SECISBP2: variants seen among roughly 807,000 people sequenced by gnomAD.
The protein encoded by SECISBP2 is SECIS binding protein 2.
In SECISBP2, 96 loss-of-function variants were observed where a neutral mutation model predicts 98.2. The observed-to-expected ratio is 0.98, with a 90% CI of 0.83 to 1.16. The LOEUF is 1.16. Ranked by LOEUF, SECISBP2 falls within the 50% of genes most tolerant of loss-of-function variation. SECISBP2 has a pLI of 0.00. For missense variants in SECISBP2, 1,046 were observed against 1,022.9 expected (o/e 1.02, Z -0.31); for synonymous variants, 407 against 370.2 (o/e 1.10, Z -1.14).
chr9:89,318,546 C>A lies in SECISBP2; in HGVS notation c.-31C>A. ...CAAGCCGACGGCCCGCTGCTGGCCT[C>A]CGTGACGCGGCCTCCTCCGCGCCTC... On this transcript the variant is annotated 5_prime_UTR_variant, in exon 1 of 17. Coordinates refer to ENST00000375807, the MANE Select transcript of SECISBP2 (RefSeq NM_024077.5). The A allele has an allele frequency of 1.3e-6, 2 of 1,511,396 alleles. No homozygotes were observed. Among genetic ancestry groups the A allele is most frequent in the Admixed American group, 2.0e-5 (1 of 49,030 alleles). 93.6% of individuals were successfully genotyped at this position (1,511,396 alleles called of 1,614,324 possible).
intron 6 of SECISBP2, among the ~76,000 whole-genome samples, chr9:89,333,541 C>A (rs764320135): frequency 1.2e-4 from 19 of 152,176 alleles, no homozygotes; most frequent in Non-Finnish European, 2.4e-4. Flanking sequence ...ATTCACCTGC[C>A]TCACGGTCCT....
At chr9:89,320,730 C>T (rs749027126) in intron 2 of SECISBP2, among the ~76,000 whole-genome samples, 3 of 152,178 alleles carry the variant, frequency 2.0e-5, no homozygotes, top group Non-Finnish European at 4.4e-5. Flanking sequence ...AGGATTCATT[C>T]TCTAGGTTTA....
At chr9:89,347,324 T>A (rs576792255) in intron 11 of SECISBP2, among the ~76,000 whole-genome samples, 1 of 152,242 alleles carries the variant, frequency 6.6e-6, no homozygotes, top group Non-Finnish European at 1.5e-5. Context: ...AAACCAGAAA[T>A]GGGAGGAGTT....
intron 1 of SECISBP2, chr9:89,318,968 T>A: frequency 9.0e-7 from 1 of 1,106,298 alleles, no homozygotes; most frequent in Non-Finnish European, 1.1e-6. Context: ...CCTGCGTTTT[T>A]CTGAACGTCA....
rs747651228 is a variant in SECISBP2, at chr9:89,348,261, C to G, written c.1738+47C>G. On this transcript the variant is annotated intron_variant, in intron 12 of 16. Coordinates refer to ENST00000375807, the MANE Select transcript of SECISBP2 (RefSeq NM_024077.5). ...TTAAGAATAATTTAAACGAGAGCAA[C>G]TATGAAAAGGATGAGCTATGCTGAG... The G allele has an allele frequency of 1.4e-5, 22 of 1,608,916 alleles. No homozygotes were observed. In the East Asian group the frequency reaches 4.5e-4, roughly 33 times the overall value.
At chr9:89,333,235 T>C (rs1828047828) in intron 6 of SECISBP2, among the ~76,000 whole-genome samples, 1 of 152,018 alleles carries the variant, frequency 6.6e-6, no homozygotes, top group Non-Finnish European at 1.5e-5. Context: ...AGAAATTTTA[T>C]GAACTCAGCA....
Position 89,325,417 on chromosome 9 carries a change from T to C in SECISBP2, c.183-10T>C. Reference sequence around the variant, plus strand: ...GAAATCTGCAACTAAAGTTTACACTTTTTACTTAGGCAGAAAATATATACT... The same window carrying C: ...GAAATCTGCAACTAAAGTTTACACTCTTTACTTAGGCAGAAAATATATACT... On this transcript the variant is annotated splice_polypyrimidine_tract_variant and intron_variant, in intron 2 of 16. Transcript: ENST00000375807. 6.2e-7 allele frequency: 1 copy of C among 1,613,634 alleles called. No individual in the cohort carries two copies. Among genetic ancestry groups the C allele is most frequent in the Non-Finnish European group, 8.5e-7 (1 of 1,179,828 alleles).
intron 5 of SECISBP2, chr9:89,332,505 A>G (rs749109792): frequency 3.8e-6 from 1 of 260,640 alleles, no homozygotes; most frequent in Non-Finnish European, 7.4e-6. Context: ...CCTGCTAACT[A>G]CTATCTTTTT....
At chr9:89,345,761 G>A (rs142536359) in intron 10 of SECISBP2, among the ~76,000 whole-genome samples, 17 of 152,270 alleles carry the variant, frequency 1.1e-4, no homozygotes, top group Non-Finnish European at 2.1e-4. Context: ...ATTGGGGACC[G>A]GGTGAGTGAG....
chr9:89,336,244 C>G (rs1246256797), intron 7 of SECISBP2, among the ~76,000 whole-genome samples: 1 of 151,790 alleles, frequency 6.6e-6, no homozygotes, highest in African/African-American at 2.4e-5. Context: ...CCGTGTTTCC[C>G]AGGCTGGTCT....
chr9:89,334,453 G>A, intron 6 of SECISBP2, 69 bp from the exon 7 acceptor site: 1 of 1,297,710 alleles, frequency 7.7e-7, no homozygotes, highest in Non-Finnish European at 1.1e-6. Context: ...TGTAATGCAT[G>A]TTTGAGTAAC....
chr9:89,354,759 C>T (rs1336923770), intron 14 of SECISBP2: 3 of 985,282 alleles, frequency 3.0e-6, no homozygotes, highest in African/African-American at 1.7e-5. Context: ...TAGGTTGTTT[C>T]TGCACAGTGC....
At chr9:89,348,988 G>T (rs1830854602) in intron 12 of SECISBP2, among the ~76,000 whole-genome samples, 1 of 152,218 alleles carries the variant, frequency 6.6e-6, no homozygotes, top group South Asian at 2.1e-4. Context: ...TGTCTTAAAG[G>T]ACACAAGCAC....
intron 5 of SECISBP2, chr9:89,330,066 GGTTTT>G (rs1827495040): frequency 6.6e-6 from 1 of 152,108 alleles, no homozygotes; most frequent in African/African-American, 2.4e-5. Flanking sequence ...AAAAGGAATT[GGTTTT>G]GTTTTATGTT....
intron 4 of SECISBP2, among the ~76,000 whole-genome samples, chr9:89,327,957 C>G (rs1054231546): frequency 7.9e-5 from 12 of 152,218 alleles, no homozygotes; most frequent in Admixed American, 2.6e-4. Context: ...GGGCATGCGC[C>G]CCCACACCCA....
chr9:89,350,513 G>A (rs1831119121), intron 13 of SECISBP2, 119 bp from the exon 14 acceptor site: 1 of 892,110 alleles, frequency 1.1e-6, no homozygotes, highest in South Asian at 1.3e-5. Context: ...AGTAGTACTT[G>A]TTGAAACGTG....
At chr9:89,337,333 G>GT (rs1490136609) in intron 7 of SECISBP2, among the ~76,000 whole-genome samples, 3 of 152,142 alleles carry the variant, frequency 2.0e-5, no homozygotes, top group Non-Finnish European at 2.9e-5. Flanking sequence ...GATCAGAATG[G>GT]TTTTTTTAGA....
rs540539852 is a variant in SECISBP2 at position 89,358,260 on chromosome 9, C to T, written c.2461+69C>T. The T allele has an allele frequency of 1.4e-4, 209 of 1,487,338 alleles. 1 individual carries two copies. Among genetic ancestry groups the T allele is most frequent in the African/African-American group, 1.1e-3 (81 of 72,160 alleles). The allele number at this position is 1,487,338 out of a possible 1,614,324, so 92.1% of individuals were successfully genotyped here. A position where few individuals can be genotyped will look rare whatever the true frequency, so the allele number is the denominator to read the frequency against. The stretch of plus-strand genomic sequence containing the variant: ...ATTTACTGACTTTAATTAGGAGTCC[C>T]TAGGTGAGCAGCTTGACAATGCTGC... On this transcript the variant is annotated intron_variant, in intron 16 of 16. Coordinates refer to ENST00000375807, the MANE Select transcript of SECISBP2 (RefSeq NM_024077.5).
intron 14 of SECISBP2, among the ~76,000 whole-genome samples, chr9:89,356,173 G>A (rs550298290): frequency 2.2e-4 from 33 of 152,272 alleles, no homozygotes; most frequent in Non-Finnish European, 4.0e-4. Context: ...CGTTGGATTC[G>A]CATAGGAGCA....
Sources: allele counts gnomAD v4.1 joint callset (sites outside exome capture counted in the v4.1 genomes callset), GRCh38; gene constraint gnomAD v4.1.1; transcripts MANE v1.5; gene names NCBI Gene and HGNC (gene_info 2026-07-23, HGNC 2026-07-21).